The following ROBO2 variants were observed in gnomAD, a reference collection of about 807,000 sequenced individuals.
ROBO2 encodes roundabout homolog 2.
ROBO2 carries 53 observed loss-of-function variants against 160.8 expected under a neutral mutation model. The ratio of observed to expected loss-of-function variants is 0.33; its 90% CI spans 0.26 to 0.41. The LOEUF is 0.41. ROBO2 is among the 10% of genes least tolerant of loss of function. ROBO2 has a pLI of 1.00. For synonymous variants in ROBO2, 664 were observed against 611.7 expected (o/e 1.09, Z -1.26); for missense variants, 1,577 against 1,722.4 (o/e 0.92, Z 1.49).
chr3:77,485,292 T>A (rs1201474139), intron 4 of ROBO2, among the ~76,000 whole-genome samples: 5 of 152,144 alleles, frequency 3.3e-5, no homozygotes, highest in Non-Finnish European at 7.4e-5. Context: ...ATACTTTAGT[T>A]AGGGAATTTG....
chr3:77,250,342 A>G (rs753529318), intron 2 of ROBO2, among the ~76,000 whole-genome samples: 1 of 152,138 alleles, frequency 6.6e-6, no homozygotes, highest in Non-Finnish European at 1.5e-5. Context: ...GTGCTATTCC[A>G]TACTGGGCCT....
Position 76,464,203 on chromosome 3 carries a change from G to T in ROBO2, c.109+526601G>T, listed in dbSNP as rs148566974. Among the ~76,000 whole-genome samples the T allele has an allele frequency of 7.2e-5, 11 of 152,142 alleles. No homozygotes were observed. The East Asian group carries it at 2.1e-3, about 29-fold the overall frequency. ...CCTAAGGAAAGGCTGAAAGATTTTG[G>T]CATACAAATTTTCTTTCATATCTAC... is the stretch of plus-strand genomic sequence containing the variant. On this transcript the variant is annotated intron_variant, in intron 2 of 26. Transcript: ENST00000487694.
intron 2 of ROBO2, among the ~76,000 whole-genome samples, chr3:77,373,607 C>A (rs879107106): frequency 6.6e-6 from 1 of 151,954 alleles, no homozygotes; most frequent in African/African-American, 2.4e-5. Context: ...GAGCATCATG[C>A]CAAGTGAATG....
intron 2 of ROBO2, among the ~76,000 whole-genome samples, chr3:76,931,244 A>C (rs2077318870): frequency 6.6e-6 from 1 of 152,206 alleles, no homozygotes; most frequent in Non-Finnish European, 1.5e-5. Context: ...TTTTAGGTTA[A>C]AGGGTTTTCT....
chr3:76,494,930 G>A (rs762133581), intron 2 of ROBO2, among the ~76,000 whole-genome samples: 9 of 152,272 alleles, frequency 5.9e-5, no homozygotes, highest in South Asian at 4.1e-4. Context: ...TGGGTACAGG[G>A]TTTTCTTTTG....
At chr3:76,623,596 A>G (rs999829273) in intron 2 of ROBO2, among the ~76,000 whole-genome samples, 1 of 152,220 alleles carries the variant, frequency 6.6e-6, no homozygotes, top group Admixed American at 6.5e-5. Flanking sequence ...ACTCTAAAGT[A>G]TCTTTGCAAG....
chr3:76,777,009 A>C (rs1220687977), intron 2 of ROBO2, among the ~76,000 whole-genome samples: 3 of 151,148 alleles, frequency 2.0e-5, no homozygotes, highest in Non-Finnish European at 3.0e-5. Context: ...AGTGGTAGAG[A>C]TCCACACTAG....
intron 2 of ROBO2, among the ~76,000 whole-genome samples, chr3:77,377,028 C>T (rs1051190099): frequency 1.3e-5 from 2 of 152,146 alleles, no homozygotes; most frequent in Non-Finnish European, 2.9e-5. Flanking sequence ...TTGTAAATCT[C>T]ATAAGTTTGG....
intron 2 of ROBO2, among the ~76,000 whole-genome samples, chr3:76,109,179 C>A (rs943370676): frequency 6.6e-6 from 1 of 151,858 alleles, no homozygotes; most frequent in Admixed American, 6.6e-5. Context: ...AATAAACTAT[C>A]GCATGGATAG....
chr3:75,952,984 C>T (rs1485019181), intron 2 of ROBO2, among the ~76,000 whole-genome samples: 3 of 151,840 alleles, frequency 2.0e-5, no homozygotes, highest in East Asian at 1.9e-4. Context: ...AATAATATTC[C>T]GTTGCCTGGA....
At chr3:77,146,412 C>T (rs1472308428) in intron 2 of ROBO2, among the ~76,000 whole-genome samples, 2 of 152,038 alleles carry the variant, frequency 1.3e-5, no homozygotes, top group East Asian at 1.9e-4. Context: ...GAGTATTCTC[C>T]ATGGAAATCA....
At chr3:76,494,390 A>G (rs1400234099) in intron 2 of ROBO2, among the ~76,000 whole-genome samples, 1 of 152,176 alleles carries the variant, frequency 6.6e-6, no homozygotes, top group African/African-American at 2.4e-5. Flanking sequence ...TGAAGATGGA[A>G]AAGAGTGGCA....
At chr3:76,887,804 T>G (rs1311356314) in intron 2 of ROBO2, among the ~76,000 whole-genome samples, 1 of 152,144 alleles carries the variant, frequency 6.6e-6, no homozygotes, top group Non-Finnish European at 1.5e-5. Context: ...GTCAAGTGTC[T>G]TCTTATATCC....
intron 2 of ROBO2, among the ~76,000 whole-genome samples, chr3:76,775,883 A>T (rs1389067752): frequency 1.3e-5 from 2 of 150,772 alleles, no homozygotes; most frequent in Non-Finnish European, 3.0e-5. Flanking sequence ...TAGCACCTAA[A>T]CACCTAAAAA....
At chr3:76,026,532 A>C (rs937207904) in intron 2 of ROBO2, among the ~76,000 whole-genome samples, 5 of 151,970 alleles carry the variant, frequency 3.3e-5, no homozygotes, top group Non-Finnish European at 7.4e-5. Flanking sequence ...CACTGCCAAG[A>C]AAAACTATCA....
In ROBO2 at chr3:77,607,894, C is replaced by T. The variant is rs374166639; in HGVS notation, c.3233C>T (p.Pro1078Leu). The T allele has an allele frequency of 4.9e-5, 79 of 1,613,876 alleles. No homozygotes were observed. Among genetic ancestry groups the T allele is most frequent in the African/African-American group, 2.7e-4 (20 of 74,902 alleles). Residue 1078 changes from proline to leucine, a missense_variant, in exon 21 of 26, where the codon CCA becomes CTA. By Grantham distance (98) the Pro-to-Leu change is moderately conservative. Transcript: ENST00000461745. The stretch of plus-strand genomic sequence containing the variant: ...GCCAATGTCCCTCTACCTCCCCCCC[C>T]AGTCCAGCCCCTTCCTGGCACGGAG...
At position 75,921,355 on chromosome 3, in the gene ROBO2, T is replaced by TACACAC. The variant is rs140153801; in HGVS notation, c.-14+14405_-14+14410dup. On this transcript the variant is annotated intron_variant, in intron 1 of 26. Transcript: ENST00000487694. ...TGAAAACAAGTGCATGTGATATACATACACACACACACACATTGCATACTT... is the reference window on the plus strand; with the variant it reads ...TGAAAACAAGTGCATGTGATATACATACACACACACACACACACACATTGCATACTT... Among the ~76,000 whole-genome samples, 3 of 151,012 alleles carry TACACAC rather than the reference T, an allele frequency of 2.0e-5. No homozygotes were observed. In the South Asian group the frequency reaches 6.3e-4, roughly 32 times the overall value.
intron 2 of ROBO2, among the ~76,000 whole-genome samples, chr3:76,556,100 CAAAAAAT>C (rs1271384157): frequency 2.7e-5 from 4 of 149,568 alleles, no homozygotes; most frequent in East Asian, 3.9e-4. Context: ...ATTCCATCTC[CAAAAAAT>C]AAAAAATAAA....
At chr3:77,432,952 G>T (rs149650109) in intron 2 of ROBO2, among the ~76,000 whole-genome samples, 2 of 152,288 alleles carry the variant, frequency 1.3e-5, no homozygotes, top group African/African-American at 2.4e-5. Context: ...AGACATAAAA[G>T]AATGGGATTG....
Sources: allele counts gnomAD v4.1 joint callset (sites outside exome capture counted in the v4.1 genomes callset), GRCh38; gene constraint gnomAD v4.1.1; transcripts MANE v1.5; gene names NCBI Gene and HGNC (gene_info 2026-07-23, HGNC 2026-07-21).